Variants in MIPOL1 observed in about 807,000 individuals in gnomAD.
The protein encoded by MIPOL1 is mirror-image polydactyly 1.
Under a neutral mutation model 60.9 loss-of-function variants are expected in MIPOL1, and 57 were observed. The observed-to-expected ratio is 0.94, with a 90% CI of 0.76 to 1.17. The LOEUF (loss-of-function observed/expected upper bound fraction) is 1.17, where lower values mean the gene tolerates loss of function less well. MIPOL1 is among the 50% of genes most tolerant of loss of function. The pLI, the probability that MIPOL1 is intolerant of heterozygous loss-of-function variation, is 0.00. For missense variants in MIPOL1, 551 were observed against 511.6 expected (o/e 1.08, Z -0.74); for synonymous variants, 179 against 168.8 (o/e 1.06, Z -0.47).
intron 11 of MIPOL1, among the ~76,000 whole-genome samples, chr14:37,425,643 A>G (rs937278935): frequency 1.3e-5 from 2 of 152,190 alleles, no homozygotes; most frequent in African/African-American, 4.8e-5. Context: ...AGGTATATTC[A>G]GTTCTTAGCA....
At position 37,544,373 on chromosome 14, in the gene MIPOL1, T is replaced by G. The variant is rs78419227; in HGVS notation, c.1263-2532T>G. On this transcript the variant is annotated intron_variant, in intron 12 of 12. Coordinates refer to ENST00000684589, the MANE Select transcript of MIPOL1 (RefSeq NM_001388067.1). ...CCTCCTCACAACCTTGTATAAGGGT[T>G]TACTTGTCTGTTCTTCAGTTTCTTC... Among the ~76,000 whole-genome samples, 458 of 152,294 alleles carry G rather than the reference T, an allele frequency of 3.0e-3. 1 individual carries two copies. Among genetic ancestry groups the G allele is most frequent in the African/African-American group, 0.01 (428 of 41,568 alleles).
intron 11 of MIPOL1, among the ~76,000 whole-genome samples, chr14:37,462,512 T>G (rs2094551370): frequency 6.6e-6 from 1 of 152,214 alleles, no homozygotes; most frequent in Non-Finnish European, 1.5e-5. Context: ...CTTCAATTTC[T>G]TCTCAGAAAA....
chr14:37,446,825 C>G (rs868072685), intron 11 of MIPOL1, among the ~76,000 whole-genome samples: 2 of 148,090 alleles, frequency 1.4e-5, no homozygotes, highest in Non-Finnish European at 3.0e-5. Context: ...ATTGCAAGGA[C>G]AAAAAACCAA....
intron 11 of MIPOL1, among the ~76,000 whole-genome samples, chr14:37,461,632 C>T (rs1004183068): frequency 2.6e-5 from 4 of 152,162 alleles, no homozygotes; most frequent in African/African-American, 9.7e-5. Context: ...TTAGTTACTT[C>T]CTAGATACAA....
At chr14:37,520,439 A>G (rs1189128062) in intron 12 of MIPOL1, among the ~76,000 whole-genome samples, 6 of 152,190 alleles carry the variant, frequency 3.9e-5, no homozygotes, top group African/African-American at 7.2e-5. Context: ...AAGCCATCTT[A>G]ATAAGATACC....
intron 11 of MIPOL1, among the ~76,000 whole-genome samples, chr14:37,430,566 G>A (rs1388982360): frequency 6.6e-6 from 1 of 150,934 alleles, no homozygotes; most frequent in Non-Finnish European, 1.5e-5. Flanking sequence ...TATTTATTAA[G>A]CATTTGTCTC....
chr14:37,298,515 A>G (rs558818423), intron 7 of MIPOL1, among the ~76,000 whole-genome samples: 1 of 152,326 alleles, frequency 6.6e-6, no homozygotes, highest in African/African-American at 2.4e-5. Context: ...TGAACAGGCA[A>G]CCTACAGAAT....
chr14:37,360,914 A>G (rs1259115451), intron 9 of MIPOL1, among the ~76,000 whole-genome samples: 2 of 151,946 alleles, frequency 1.3e-5, no homozygotes, highest in Non-Finnish European at 2.9e-5. Flanking sequence ...TGATGGTAGG[A>G]TGTCAATTTT....
chr14:37,241,443 T>A (rs2153346130), intron 1 of MIPOL1, among the ~76,000 whole-genome samples: 1 of 151,918 alleles, frequency 6.6e-6, no homozygotes, highest in East Asian at 1.9e-4. Context: ...TTAGGCTAGG[T>A]TCAGTGACTC....
At chr14:37,239,022 C>CT (rs1320300997) in intron 1 of MIPOL1, among the ~76,000 whole-genome samples, 3 of 148,628 alleles carry the variant, frequency 2.0e-5, no homozygotes, top group Admixed American at 1.3e-4. Context: ...TTTGGGAAGT[C>CT]TTTCAAAAGT....
chr14:37,351,819 AG>A (rs2091413677), intron 9 of MIPOL1, among the ~76,000 whole-genome samples: 1 of 144,674 alleles, frequency 6.9e-6, no homozygotes, highest in African/African-American at 2.5e-5. Context: ...GCCCTTTGTC[AG>A]ATGAGTAGGT....
chr14:37,433,976 A>G (rs1436055120), intron 11 of MIPOL1, among the ~76,000 whole-genome samples: 1 of 152,218 alleles, frequency 6.6e-6, no homozygotes, highest in Admixed American at 6.5e-5. Context: ...TATTGTGAAT[A>G]GTGCCGCAAT....
chr14:37,500,128 A>G lies in MIPOL1; in HGVS notation c.1252A>G (p.Lys418Glu), dbSNP rs1474169008. Reference sequence around the variant, plus strand: ...AGAGGCCTCCCAAGTGGCCAATGAAAAAGTTCAAAAGTAAGTTAAATGATC... The same window carrying G: ...AGAGGCCTCCCAAGTGGCCAATGAAGAAGTTCAAAAGTAAGTTAAATGATC... ...AREASQVANE[K>E]VQKLERLVDV... is the part of the protein sequence containing the mutation. The change falls in exon 12 of 13, where the codon AAA becomes GAA. Residue 418 changes from lysine to glutamate, a missense_variant. Coordinates refer to ENST00000684589, the MANE Select transcript of MIPOL1 (RefSeq NM_001388067.1). 3 of 1,598,554 alleles carry G rather than the reference A, an allele frequency of 1.9e-6. No individual in the cohort carries two copies. Among genetic ancestry groups the G allele is most frequent in the South Asian group, 1.1e-5 (1 of 89,744 alleles).
chr14:37,369,490 C>G, intron 9 of MIPOL1, 27 bp from the exon 10 acceptor site: 2 of 1,554,518 alleles, frequency 1.3e-6, no homozygotes, highest in Non-Finnish European at 1.8e-6. Context: ...AACTCCTTTA[C>G]TTAATGGGAT....
chr14:37,410,266 G>C (rs902165773), intron 10 of MIPOL1, among the ~76,000 whole-genome samples: 1 of 152,024 alleles, frequency 6.6e-6, no homozygotes, highest in African/African-American at 2.4e-5. Context: ...CTGATGACGA[G>C]TTAATGGGTG....
intron 9 of MIPOL1, among the ~76,000 whole-genome samples, chr14:37,320,495 T>G (rs568747214): frequency 2.6e-5 from 4 of 152,062 alleles, no homozygotes; most frequent in Admixed American, 6.6e-5. Context: ...TTATTAAATT[T>G]TGTTGTTTTT....
chr14:37,492,658 G>GT (rs908331895), intron 11 of MIPOL1, among the ~76,000 whole-genome samples: 8 of 151,636 alleles, frequency 5.3e-5, no homozygotes, highest in South Asian at 2.1e-4. Flanking sequence ...CAGTAGGTAA[G>GT]TTTTTTTTTC....
At chr14:37,343,960 C>G (rs1313149143) in intron 9 of MIPOL1, among the ~76,000 whole-genome samples, 1 of 152,064 alleles carries the variant, frequency 6.6e-6, no homozygotes, top group Admixed American at 6.6e-5. Context: ...AATGTTCCAT[C>G]TTTTTAAAAT....
At chr14:37,467,016 ACATT>A (rs1252709286) in intron 11 of MIPOL1, among the ~76,000 whole-genome samples, 1 of 152,254 alleles carries the variant, frequency 6.6e-6, no homozygotes, top group Non-Finnish European at 1.5e-5. Context: ...AAAGTAAATG[ACATT>A]CATCCTTATC....
Sources: allele counts gnomAD v4.1 joint callset (sites outside exome capture counted in the v4.1 genomes callset), GRCh38; gene constraint gnomAD v4.1.1; transcripts MANE v1.5; gene names NCBI Gene and HGNC (gene_info 2026-07-23, HGNC 2026-07-21).